LIMCH1: variants seen among roughly 807,000 people sequenced by gnomAD.
LIMCH1 encodes LIM and calponin homology domains-containing protein 1.
LIMCH1 carries 113 observed loss-of-function variants against 176.5 expected under a neutral mutation model. The ratio of observed to expected loss-of-function variants is 0.64; its 90% CI spans 0.55 to 0.75. LIMCH1 has a LOEUF of 0.75. LIMCH1 is among the 30% of genes least tolerant of loss of function. The pLI, the probability that LIMCH1 is intolerant of heterozygous loss-of-function variation, is 0.00. For missense variants in LIMCH1, 1,674 were observed against 1,814.9 expected, an observed-to-expected ratio of 0.92 and a Z score of 1.41; for synonymous variants, 619 against 645.9, an observed-to-expected ratio of 0.96 and a Z score of 0.63.
intron 1 of LIMCH1, among the ~76,000 whole-genome samples, chr4:41,540,938 C>G (rs2078557927): frequency 6.6e-6 from 1 of 152,092 alleles, no homozygotes; most frequent in African/African-American, 2.4e-5. Flanking sequence ...TCCTTGTTCT[C>G]TACCTTTTAA....
chr4:41,579,213 G>T (rs146533546), intron 1 of LIMCH1, among the ~76,000 whole-genome samples: 6 of 152,226 alleles, frequency 3.9e-5, no homozygotes, highest in African/African-American at 1.4e-4. Context: ...CAGGCCAGCT[G>T]CTAGGTTATA....
chr4:41,524,580 C>T, intron 3 of LIMCH1: 2 of 872,654 alleles, frequency 2.3e-6, no homozygotes, highest in East Asian at 4.9e-5. Context: ...AATATATATT[C>T]CACTTGAATG....
chr4:41,518,779 T>G (rs1264157603), intron 2 of LIMCH1, among the ~76,000 whole-genome samples: 3 of 152,150 alleles, frequency 2.0e-5, no homozygotes, highest in Non-Finnish European at 4.4e-5. Flanking sequence ...TTCCCCTCCC[T>G]GTGTCCATGT....
At chr4:41,559,382 A>T (rs995448242) in intron 1 of LIMCH1, among the ~76,000 whole-genome samples, 10 of 152,122 alleles carry the variant, frequency 6.6e-5, no homozygotes, top group African/African-American at 1.9e-4. Context: ...GAATCTTCTG[A>T]ACCAAGCCCC....
At chr4:41,625,447 G>A (rs28507933) in intron 7 of LIMCH1, among the ~76,000 whole-genome samples, 9,292 of 152,054 alleles carry the variant, frequency 0.061, 975 homozygotes, top group African/African-American at 0.21. Flanking sequence ...TTATTTCAAG[G>A]CCAACAGGGC....
At chr4:41,609,405 A>G (rs949220983) in intron 4 of LIMCH1, among the ~76,000 whole-genome samples, 2 of 152,184 alleles carry the variant, frequency 1.3e-5, no homozygotes, top group Non-Finnish European at 2.9e-5. Flanking sequence ...CACACAGAAG[A>G]TGCTCAGTAG....
At chr4:41,508,862 A>G (rs920080578) in intron 2 of LIMCH1, among the ~76,000 whole-genome samples, 4 of 152,204 alleles carry the variant, frequency 2.6e-5, no homozygotes, top group South Asian at 2.1e-4. Context: ...TTAACAATTA[A>G]TATGTATCTC....
intron 1 of LIMCH1, among the ~76,000 whole-genome samples, chr4:41,464,969 T>G (rs1304510399): frequency 6.6e-6 from 1 of 151,904 alleles, no homozygotes; most frequent in Admixed American, 6.5e-5. Flanking sequence ...ACTACTGAAT[T>G]TAGAAACTTG....
chr4:41,393,170 T>G (rs958118589), intron 1 of LIMCH1, among the ~76,000 whole-genome samples: 1 of 152,264 alleles, frequency 6.6e-6, no homozygotes, highest in Admixed American at 6.5e-5. Context: ...CCATTCATGA[T>G]GAAGACATTG....
rs986911818 is a variant in LIMCH1 at position 41,660,649 on chromosome 4, T to A, written c.3037-771T>A. ...AAGAACTGCTGCCATAAACAGAAAT[T>A]GTCAAATTTGGAGGAGAAGGCCATT... On this transcript the variant is annotated intron_variant, in intron 18 of 31. Coordinates refer to ENST00000503057, the MANE Select transcript of LIMCH1 (RefSeq NM_001330672.2). Among the ~76,000 whole-genome samples, 96 of 152,170 alleles carry A rather than the reference T, an allele frequency of 6.3e-4. 2 individuals are homozygous for A. Among genetic ancestry groups the A allele is most frequent in the Non-Finnish European group, 7.3e-5 (5 of 68,040 alleles).
chr4:41,391,187 C>G (rs1488653444), intron 1 of LIMCH1, among the ~76,000 whole-genome samples: 4 of 152,216 alleles, frequency 2.6e-5, no homozygotes, highest in African/African-American at 4.8e-5. Flanking sequence ...CACTAGCTGA[C>G]CTGTCCTGCC....
chr4:41,428,860 A>T (rs1238332265), intron 1 of LIMCH1, among the ~76,000 whole-genome samples: 1 of 152,232 alleles, frequency 6.6e-6, no homozygotes, highest in African/African-American at 2.4e-5. Flanking sequence ...CATGGGGTTG[A>T]GTTGCTGTGT....
chr4:41,568,714 G>T (rs1238762044), intron 1 of LIMCH1, among the ~76,000 whole-genome samples: 2 of 152,176 alleles, frequency 1.3e-5, no homozygotes. Flanking sequence ...GAGGCTATAG[G>T]TCGAGGTATT....
intron 2 of LIMCH1, among the ~76,000 whole-genome samples, chr4:41,600,836 C>G (rs1198505171): frequency 1.3e-5 from 2 of 152,126 alleles, no homozygotes; most frequent in African/African-American, 4.8e-5. Flanking sequence ...GGAAAGAAAT[C>G]TAAAGGGGAA....
intron 1 of LIMCH1, among the ~76,000 whole-genome samples, chr4:41,468,877 A>G (rs1250857516): frequency 6.6e-6 from 1 of 152,082 alleles, no homozygotes; most frequent in Non-Finnish European, 1.5e-5. Context: ...AAGCTTTCTT[A>G]TGGAGAGACC....
intron 4 of LIMCH1, chr4:41,609,516 G>GTC (rs2091167908): frequency 2.5e-6 from 1 of 403,388 alleles, no homozygotes. Flanking sequence ...AGATCAGGGT[G>GTC]AGCCACCTTA....
intron 2 of LIMCH1, among the ~76,000 whole-genome samples, chr4:41,496,895 G>T (rs1363023627): frequency 6.6e-6 from 1 of 152,150 alleles, no homozygotes; most frequent in African/African-American, 2.4e-5. Flanking sequence ...GAATGCCTAA[G>T]ACTGTACCAC....
chr4:41,511,390 C>T (rs140328715), intron 2 of LIMCH1, among the ~76,000 whole-genome samples: 7 of 152,332 alleles, frequency 4.6e-5, no homozygotes, highest in East Asian at 1.9e-4. Context: ...TGAATTCAGT[C>T]CTCTGAGCAC....
chr4:41,660,563 G>A (rs2094585110), intron 18 of LIMCH1, among the ~76,000 whole-genome samples: 1 of 152,154 alleles, frequency 6.6e-6, no homozygotes, highest in Non-Finnish European at 1.5e-5. Flanking sequence ...AGAAGGACTT[G>A]GCAAATGATG....
Sources: allele counts gnomAD v4.1 joint callset (sites outside exome capture counted in the v4.1 genomes callset), GRCh38; gene constraint gnomAD v4.1.1; transcripts MANE v1.5; gene names NCBI Gene and HGNC (gene_info 2026-07-23, HGNC 2026-07-21).